The following IL13RA1 variants were observed in gnomAD, a reference collection of about 807,000 sequenced individuals.
IL13RA1 encodes interleukin 13 receptor subunit alpha 1, also known as interleukin-13 receptor subunit alpha-1.
A neutral mutation model predicts 33.8 loss-of-function variants in IL13RA1; 14 were observed. The observed-to-expected ratio is 0.41, with a 90% CI of 0.27 to 0.65. IL13RA1 has a LOEUF of 0.65. Ranked by LOEUF, IL13RA1 falls within the 30% of genes least tolerant of loss-of-function variation. IL13RA1 has a pLI of 0.28. For synonymous variants in IL13RA1, 116 were observed against 115.7 expected, an observed-to-expected ratio of 1.00 and a Z score of -0.02; for missense variants, 313 against 327.0, an observed-to-expected ratio of 0.96 and a Z score of 0.33.
chrX:118,752,471 T>C (rs1189470358), intron 4 of IL13RA1, among the ~76,000 whole-genome samples: 1 of 112,415 alleles, frequency 8.9e-6, no homozygotes, highest in East Asian at 2.8e-4. Context: ...TATTTGTCTT[T>C]ATCCTTATTT....
intron 10 of IL13RA1, among the ~76,000 whole-genome samples, chrX:118,783,813 C>CTT (rs1242156990): frequency 1.0e-5 from 1 of 99,694 alleles, no homozygotes. Flanking sequence ...TAAATTAAAA[C>CTT]TTTTTTTTTT....
At chrX:118,781,302 G>T (rs2017840287) in intron 10 of IL13RA1, among the ~76,000 whole-genome samples, 1 of 111,580 alleles carries the variant, frequency 9.0e-6, no homozygotes, top group Non-Finnish European at 1.9e-5. Context: ...TTTTAAACAT[G>T]GGGATAACAT....
intron 6 of IL13RA1, 165 bp downstream of exon 6, chrX:118,761,454 A>G (rs976127091): frequency 1.5e-5 from 5 of 329,726 alleles, no homozygotes; most frequent in Admixed American, 6.0e-5. Flanking sequence ...TTGAAGATTT[A>G]TGGTATGATA....
Position 118,781,477 on chromosome X carries a change from C to T in IL13RA1, c.1191+4966C>T, listed in dbSNP as rs180696923. On this transcript the variant is annotated intron_variant, in intron 10 of 10. Coordinates refer to ENST00000371666, the MANE Select transcript of IL13RA1 (RefSeq NM_001560.3). ...AAGTGATTCTCCTGCCTCAGCCTCC[C>T]GAGTAGCTGGGACTACAGATGGTGC... Among the ~76,000 whole-genome samples, 292 of 110,882 alleles carry T rather than the reference C, an allele frequency of 2.6e-3. 1 individual carries two copies. The highest frequency in any genetic ancestry group is 9.1e-3 in the African/African-American group (276 of 30,495).
rs57637485 is a variant in IL13RA1 at position 118,792,646 on chromosome X, A to AAAAAC, written c.*817_*821dup. ...GGGTGACAGAGCAAGACTCTGTCTA[A>AAAAAC]AAAACAAAACAAAACAAAACAAAAC... On this transcript the variant is annotated 3_prime_UTR_variant, in exon 11 of 11. Coordinates refer to ENST00000371666, the MANE Select transcript of IL13RA1 (RefSeq NM_001560.3). 6.8e-3 allele frequency: 767 copies of AAAAAC among 112,614 alleles called. 1 individual carries two copies. The highest frequency in any genetic ancestry group is 9.2e-3 in the Middle Eastern group (2 of 217). 9.3% of individuals were successfully genotyped at this position (112,614 alleles called of 1,213,427 possible).
chrX:118,728,164 C>G (rs1265261895), intron 1 of IL13RA1, among the ~76,000 whole-genome samples: 1 of 112,597 alleles, frequency 8.9e-6, no homozygotes, highest in African/African-American at 3.2e-5. Flanking sequence ...GGACCACGAC[C>G]GAAGTCCAGG....
chrX:118,769,631 A>G (rs1315401899), intron 8 of IL13RA1, among the ~76,000 whole-genome samples: 1 of 113,024 alleles, frequency 8.8e-6, no homozygotes, highest in Non-Finnish European at 1.9e-5. Context: ...AAGATTACAT[A>G]TTTAATATAG....
Position 118,791,280 on chromosome X carries a change from C to T in IL13RA1, c.1192-482C>T, listed in dbSNP as rs184892292. ...ATGAAGCTCTTAATATAGGGTCTTT[C>T]GGCAATTTCGATTGCAGTAAGACTT... On this transcript the variant is annotated intron_variant, in intron 10 of 10. Transcript: ENST00000371666. 3.0e-3 allele frequency among the ~76,000 whole-genome samples: 331 copies of T among 111,562 alleles called. 3 individuals carry two copies. Among genetic ancestry groups the T allele is most frequent in the African/African-American group, 9.7e-3 (300 of 30,823 alleles).
chrX:118,788,063 A>AT (rs2017939003), intron 10 of IL13RA1, among the ~76,000 whole-genome samples: 2 of 112,077 alleles, frequency 1.8e-5, no homozygotes, highest in African/African-American at 6.5e-5. Flanking sequence ...AATCTTCACA[A>AT]TTTATGTTCA....
At chrX:118,748,196 C>G in intron 3 of IL13RA1, among the ~76,000 whole-genome samples, 1 of 102,513 alleles carries the variant, frequency 9.8e-6, no homozygotes, top group Non-Finnish European at 2.0e-5. Flanking sequence ...ATCTCTTAAC[C>G]TCCAGTCCTT....
At chrX:118,762,445 C>G (rs938876449) in intron 6 of IL13RA1, among the ~76,000 whole-genome samples, 1 of 112,078 alleles carries the variant, frequency 8.9e-6, no homozygotes, top group African/African-American at 3.2e-5. Flanking sequence ...AGGAGCCTAG[C>G]ATCTCGCACG....
chrX:118,747,940 T>C (rs2017424924), intron 3 of IL13RA1, among the ~76,000 whole-genome samples: 1 of 107,641 alleles, frequency 9.3e-6, no homozygotes, highest in Non-Finnish European at 1.9e-5. Flanking sequence ...CCTAGAATTA[T>C]TGGGATGATT....
intron 10 of IL13RA1, among the ~76,000 whole-genome samples, chrX:118,780,713 G>A (rs1862212537): frequency 8.9e-6 from 1 of 111,802 alleles, no homozygotes; most frequent in Non-Finnish European, 1.9e-5. Flanking sequence ...AGCCATGAGG[G>A]ATCCACCCCT....
At chrX:118,755,705 G>A (rs1049183326) in intron 4 of IL13RA1, among the ~76,000 whole-genome samples, 2 of 112,082 alleles carry the variant, frequency 1.8e-5, no homozygotes, top group Non-Finnish European at 3.8e-5. Flanking sequence ...TTGTGCATTC[G>A]AGGAGTTCCT....
intron 1 of IL13RA1, among the ~76,000 whole-genome samples, chrX:118,735,228 C>T (rs1463957188): frequency 9.0e-6 from 1 of 110,754 alleles, no homozygotes. Context: ...GTCCATCTAG[C>T]TAAAGGTTTG....
At chrX:118,755,808 C>T (rs887764793) in intron 4 of IL13RA1, among the ~76,000 whole-genome samples, 1 of 111,713 alleles carries the variant, frequency 9.0e-6, no homozygotes, top group Non-Finnish European at 1.9e-5. Context: ...TGGCCATGGG[C>T]GGAAAACATT....
chrX:118,747,357 G>A (rs758946933), intron 3 of IL13RA1, among the ~76,000 whole-genome samples: 4 of 108,453 alleles, frequency 3.7e-5, no homozygotes, highest in Non-Finnish European at 7.7e-5. Flanking sequence ...GCACGCGCGC[G>A]CACACACACA....
chrX:118,759,048 A>G (rs1313433035), intron 5 of IL13RA1: 1 of 112,050 alleles, frequency 8.9e-6, no homozygotes, highest in Non-Finnish European at 1.9e-5. Context: ...CTCTTAGAAA[A>G]GGCATAGACT....
At chrX:118,767,947 G>A (rs1237746118) in intron 8 of IL13RA1, among the ~76,000 whole-genome samples, 3 of 112,060 alleles carry the variant, frequency 2.7e-5, no homozygotes, top group African/African-American at 9.8e-5. Flanking sequence ...TAAAGGAGTT[G>A]CCTTGGCAGA....
Sources: allele counts gnomAD v4.1 joint callset (sites outside exome capture counted in the v4.1 genomes callset), GRCh38; gene constraint gnomAD v4.1.1; transcripts MANE v1.5; gene names NCBI Gene and HGNC (gene_info 2026-07-23, HGNC 2026-07-21).